The following HERC3 variants were observed in gnomAD, a reference collection of about 807,000 sequenced individuals.
The protein encoded by HERC3 is HECT and RLD domain containing E3 ubiquitin protein ligase 3, also known as probable E3 ubiquitin-protein ligase HERC3.
A neutral mutation model predicts 129.9 loss-of-function variants in HERC3; 58 were observed. The ratio of observed to expected loss-of-function variants is 0.45; its 90% confidence interval spans 0.36 to 0.56. The LOEUF (loss-of-function observed/expected upper bound fraction) is 0.56. HERC3 is among the 20% of genes least tolerant of loss of function. The pLI is 0.00. For synonymous variants in HERC3, 430 were observed against 451.0 expected (o/e 0.95, Z 0.59); for missense variants, 835 against 1,244.2 (o/e 0.67, Z 4.95).
At chr4:88,608,292 G>T (rs894529339) in intron 3 of HERC3, among the ~76,000 whole-genome samples, 2 of 152,148 alleles carry the variant, frequency 1.3e-5, no homozygotes, top group Non-Finnish European at 2.9e-5. Flanking sequence ...TTGCCACCAG[G>T]TTCCTTCAGG....
At chr4:88,657,347 A>G (rs1347391085) in intron 9 of HERC3, 1 of 152,176 alleles carries the variant, frequency 6.6e-6, no homozygotes, top group African/African-American at 2.4e-5. Flanking sequence ...CATTTTTGGA[A>G]TGGATATATG....
At chr4:88,553,536 G>A in the HERC3 span, among the ~76,000 whole-genome samples, 1 of 152,066 alleles carries the variant, frequency 6.6e-6, no homozygotes, top group Admixed American at 6.6e-5. Flanking sequence ...AATTATTTTG[G>A]GGTTAGTAAA....
chr4:88,599,508 C>T (rs1291042480), intron 2 of HERC3, among the ~76,000 whole-genome samples: 1 of 152,028 alleles, frequency 6.6e-6, no homozygotes, highest in African/African-American at 2.4e-5. Context: ...ACTAGTCAGT[C>T]AGGGATGAGG....
intron 3 of HERC3, among the ~76,000 whole-genome samples, chr4:88,646,868 C>G (rs1221441491): frequency 6.6e-6 from 1 of 152,154 alleles, no homozygotes; most frequent in Non-Finnish European, 1.5e-5. Flanking sequence ...TGGTTTGGTT[C>G]TCCATCAACA....
At chr4:88,586,578 C>T in the HERC3 span, among the ~76,000 whole-genome samples, 9 of 151,970 alleles carry the variant, frequency 5.9e-5, no homozygotes, top group African/African-American at 1.4e-4. Context: ...AGGCTGGTCT[C>T]GAACTCCCAA....
At chr4:88,577,490 A>G in the HERC3 span, among the ~76,000 whole-genome samples, 1 of 151,634 alleles carries the variant, frequency 6.6e-6, no homozygotes, top group South Asian at 2.1e-4. Context: ...ATTTTATTAT[A>G]TTACCTTCAA....
At chr4:88,526,423 A>T in the HERC3 span, among the ~76,000 whole-genome samples, 1 of 152,246 alleles carries the variant, frequency 6.6e-6, no homozygotes, top group Non-Finnish European at 1.5e-5. Flanking sequence ...ACTAGATGGC[A>T]TCATTTAGTA....
intron 1 of HERC3, chr4:88,593,268 T>G (rs1721948740): frequency 1.3e-5 from 2 of 151,948 alleles, no homozygotes; most frequent in African/African-American, 2.4e-5. Context: ...CGGGTGTGTG[T>G]GTGTGTGTAC....
the HERC3 span, among the ~76,000 whole-genome samples, chr4:88,557,619 T>C: frequency 3.3e-5 from 5 of 152,138 alleles, no homozygotes; most frequent in South Asian, 4.1e-4. Flanking sequence ...GTAGTCTCAT[T>C]ATATAAAGAA....
rs537705970 is a variant in HERC3, at chr4:88,617,865, C to T, written c.226+11816C>T. Reference sequence around the variant, plus strand: ...CAGCCTGGGCGACACAGCGAGACTCCGTCTAAAGGAAAAAAAAAGAAAAAA... The same window carrying T: ...CAGCCTGGGCGACACAGCGAGACTCTGTCTAAAGGAAAAAAAAAGAAAAAA... On this transcript the variant is annotated intron_variant, in intron 3 of 25. Coordinates refer to ENST00000402738, the MANE Select transcript of HERC3 (RefSeq NM_014606.3). 6.2e-4 allele frequency among the ~76,000 whole-genome samples: 93 copies of T among 150,216 alleles called. No homozygotes were observed. In the South Asian group the frequency reaches 0.018, roughly 30 times the overall value.
chr4:88,586,343 C>CTTT, the HERC3 span, among the ~76,000 whole-genome samples: 4 of 142,540 alleles, frequency 2.8e-5, no homozygotes, highest in East Asian at 2.0e-4. Context: ...GAATAAGCCA[C>CTTT]TTTTTTTTTT....
intron 23 of HERC3, among the ~76,000 whole-genome samples, chr4:88,687,509 C>T (rs1455524059): frequency 6.6e-6 from 1 of 152,192 alleles, no homozygotes; most frequent in East Asian, 1.9e-4. Context: ...TGTTTTAGTT[C>T]TAGAGCTGCA....
At chr4:88,648,593 G>A (rs1728939723) in intron 3 of HERC3, among the ~76,000 whole-genome samples, 1 of 152,090 alleles carries the variant, frequency 6.6e-6, no homozygotes, top group Non-Finnish European at 1.5e-5. Flanking sequence ...ATATAAACAT[G>A]TTCTTTTCTA....
chr4:88,532,373 A>G, the HERC3 span, among the ~76,000 whole-genome samples: 1 of 151,906 alleles, frequency 6.6e-6, no homozygotes, highest in Non-Finnish European at 1.5e-5. Context: ...TCCAGATCAG[A>G]GCTCAAAGGC....
chr4:88,639,853 C>T (rs1727872898), intron 3 of HERC3, among the ~76,000 whole-genome samples: 1 of 151,936 alleles, frequency 6.6e-6, no homozygotes, highest in South Asian at 2.1e-4. Context: ...GGTCTAATAT[C>T]TAGAATCTAC....
chr4:88,613,293 C>G (rs557966870), intron 3 of HERC3, among the ~76,000 whole-genome samples: 34 of 152,324 alleles, frequency 2.2e-4, no homozygotes, highest in Non-Finnish European at 4.1e-4. Flanking sequence ...CTGTGCAACT[C>G]TATTTGATTC....
Position 88,687,251 on chromosome 4 carries a change from A to G in HERC3, c.2609A>G (p.Lys870Arg). The G allele has an allele frequency of 6.2e-7, 1 of 1,613,146 alleles. No individual in the cohort carries two copies. Among genetic ancestry groups the G allele is most frequent in the Non-Finnish European group, 8.5e-7 (1 of 1,179,236 alleles). The change falls in exon 23 of 26, where the codon AAG becomes AGG. Residue 870 changes from lysine (K) to arginine (R), a missense_variant. By Grantham distance (26) the Lys-to-Arg change is conservative. Transcript: ENST00000402738. ...CRESYGVIEQ[K>R]KLIPGGDNVT... ...GAAAGCTATGGAGTGATTGAACAGA[A>G]GAAGCTGATACCTGGGGGAGATAAT... is the stretch of plus-strand genomic sequence containing the variant.
chr4:88,566,391 C>T, the HERC3 span, among the ~76,000 whole-genome samples: 1 of 150,056 alleles, frequency 6.7e-6, no homozygotes, highest in South Asian at 2.1e-4. Context: ...AGAATAAAAA[C>T]TCTACACTTT....
chr4:88,669,949 A>G lies in HERC3; in HGVS notation c.1723A>G (p.Lys575Glu). The stretch of plus-strand genomic sequence containing the variant: ...AGTCCTTTATCTACTGAGGGGAAGA[A>G]AGACATTCTTAATTCCCGTACTGTT... ...GAVLYLLRGRKTFLIPVLFNN... is the reference protein window; with the variant it reads ...GAVLYLLRGRETFLIPVLFNN... The change falls in exon 15 of 26, where the codon AAG becomes GAG. Residue 575 changes from lysine to glutamate, a missense_variant. Lys to Glu is a moderately conservative substitution (Grantham distance 56). Coordinates refer to ENST00000402738, the MANE Select transcript of HERC3 (RefSeq NM_014606.3). 1 of 1,613,878 alleles carries G rather than the reference A, an allele frequency of 6.2e-7. No homozygotes were observed. The highest frequency in any genetic ancestry group is 8.5e-7 in the Non-Finnish European group (1 of 1,179,818).
Sources: allele counts gnomAD v4.1 joint callset (sites outside exome capture counted in the v4.1 genomes callset), GRCh38; gene constraint gnomAD v4.1.1; transcripts MANE v1.5; gene names NCBI Gene and HGNC (gene_info 2026-07-23, HGNC 2026-07-21).